The following SLC8A1 variants were observed in gnomAD, a reference collection of about 807,000 sequenced individuals.
SLC8A1 encodes sodium/calcium exchanger 1.
SLC8A1 carries 18 observed loss-of-function variants against 68.3 expected under a neutral mutation model. The ratio of observed to expected loss-of-function variants is 0.26; its 90% CI spans 0.18 to 0.39. The LOEUF (loss-of-function observed/expected upper bound fraction) is 0.39. Among genes scored for constraint, SLC8A1 ranks in the 10% least tolerant of loss-of-function variants. SLC8A1 has a pLI of 1.00. For missense variants in SLC8A1, 985 were observed against 1,156.7 expected, an observed-to-expected ratio of 0.85 and a Z score of 2.15; for synonymous variants, 475 against 415.5, an observed-to-expected ratio of 1.14 and a Z score of -1.74.
At chr2:40,109,111 A>G (rs1211025688) in exon 8 of SLC8A1, 1 of 152,190 alleles carries the variant, frequency 6.6e-6, no homozygotes, top group Non-Finnish European at 1.5e-5. Context: ...GGGCTGGGCT[A>G]TATCTTAACT....
intron 2 of SLC8A1, among the ~76,000 whole-genome samples, chr2:40,282,202 TTAAC>T (rs1453879946): frequency 7.2e-5 from 11 of 152,322 alleles, no homozygotes; most frequent in Admixed American, 3.9e-4. Context: ...GCTGGGAAAT[TTAAC>T]TAAATCTGAA....
At chr2:40,289,886 T>C (rs1249271795) in intron 2 of SLC8A1, among the ~76,000 whole-genome samples, 1 of 151,104 alleles carries the variant, frequency 6.6e-6, no homozygotes, top group East Asian at 1.9e-4. Context: ...TTAAATTAAA[T>C]TAAATTAAAA....
At chr2:40,280,211 T>C (rs1559075615) in intron 2 of SLC8A1, among the ~76,000 whole-genome samples, 1 of 112,060 alleles carries the variant, frequency 8.9e-6, no homozygotes, top group East Asian at 2.4e-4. Context: ...TGTCTGCCAT[T>C]ATAAAAGAAT....
rs117219158 is a variant in SLC8A1, at chr2:40,303,319, C to G, written c.1808+125154G>C. Among the ~76,000 whole-genome samples the G allele has an allele frequency of 3.1e-4, 47 of 152,314 alleles. No homozygotes were observed. In the East Asian group the frequency reaches 7.1e-3, roughly 23 times the overall value. On this transcript the variant is annotated intron_variant, in intron 2 of 7. Transcript: ENST00000406785. ...GTTATTACCCGCTTAGTTGCACACA[C>G]ATTCATCACATTCTGAGCCTGATTG...
At chr2:40,306,731 G>A (rs1348971282) in intron 2 of SLC8A1, among the ~76,000 whole-genome samples, 1 of 152,148 alleles carries the variant, frequency 6.6e-6, no homozygotes, top group Non-Finnish European at 1.5e-5. Flanking sequence ...ATTACTGCAC[G>A]TAAGTAGAAA....
chr2:40,218,185 C>T (rs1301068236), intron 2 of SLC8A1, among the ~76,000 whole-genome samples: 1 of 152,140 alleles, frequency 6.6e-6, no homozygotes, highest in Non-Finnish European at 1.5e-5. Context: ...TACACTTTAT[C>T]AGTATTTATT....
chr2:40,185,961 G>A (rs1319995805), intron 2 of SLC8A1, among the ~76,000 whole-genome samples: 1 of 152,112 alleles, frequency 6.6e-6, no homozygotes, highest in East Asian at 1.9e-4. Context: ...CGCCACTGCT[G>A]TGTCTGTCTG....
At chr2:40,102,568 G>A (rs1291151464) in exon 8 of SLC8A1, 1 of 152,076 alleles carries the variant, frequency 6.6e-6, no homozygotes, top group Non-Finnish European at 1.5e-5. Context: ...CCAAGAGGCG[G>A]GATTGGTGCA....
At chr2:40,312,309 A>G (rs904401824) in intron 2 of SLC8A1, among the ~76,000 whole-genome samples, 3 of 152,120 alleles carry the variant, frequency 2.0e-5, no homozygotes, top group African/African-American at 7.2e-5. Context: ...TTATTTTCCA[A>G]TAAAACAAAC....
intron 2 of SLC8A1, among the ~76,000 whole-genome samples, chr2:40,194,969 C>G (rs888298714): frequency 2.6e-5 from 4 of 152,098 alleles, no homozygotes; most frequent in Non-Finnish European, 1.5e-5. Flanking sequence ...AGGTAAACCA[C>G]TGGGTGAGAT....
At chr2:40,428,706 G>A (rs771464360) in exon 2 of SLC8A1, 4 of 1,613,836 alleles carry the variant, frequency 2.5e-6, no homozygotes, top group Non-Finnish European at 3.4e-6. Flanking sequence ...CAGTGGCAGT[G>A]GAGGGAGATC....
At chr2:40,403,125 A>C (rs1689250544) in intron 2 of SLC8A1, among the ~76,000 whole-genome samples, 1 of 152,200 alleles carries the variant, frequency 6.6e-6, no homozygotes, top group African/African-American at 2.4e-5. Flanking sequence ...ATTTAGATTA[A>C]ATTGGTATTT....
At chr2:40,118,181 G>A (rs937594195) in intron 7 of SLC8A1, 1 of 152,216 alleles carries the variant, frequency 6.6e-6, no homozygotes, top group Admixed American at 6.5e-5. Flanking sequence ...CTGTGACGTT[G>A]TGATATTATG....
intron 2 of SLC8A1, among the ~76,000 whole-genome samples, chr2:40,335,617 T>G (rs41428649): frequency 0.081 from 12,342 of 152,326 alleles, 604 homozygotes; most frequent in African/African-American, 0.11. Flanking sequence ...AAAATATCTA[T>G]GCTACAATAT....
intron 2 of SLC8A1, among the ~76,000 whole-genome samples, chr2:40,237,264 T>G (rs1199879813): frequency 1.3e-5 from 2 of 152,198 alleles, no homozygotes; most frequent in Admixed American, 6.5e-5. Flanking sequence ...GATTTGGTCT[T>G]TTCACATAGT....
At chr2:40,156,259 C>CCAA (rs1437746708) in intron 6 of SLC8A1, among the ~76,000 whole-genome samples, 1 of 152,074 alleles carries the variant, frequency 6.6e-6, no homozygotes, top group African/African-American at 2.4e-5. Flanking sequence ...CTAGCCTAGT[C>CCAA]CAACTCTCTC....
chr2:40,287,945 A>G (rs1410691674), intron 2 of SLC8A1, among the ~76,000 whole-genome samples: 1 of 152,048 alleles, frequency 6.6e-6, no homozygotes, highest in Non-Finnish European at 1.5e-5. Context: ...TTTGATGGGT[A>G]TTGTCCTGAA....
intron 2 of SLC8A1, among the ~76,000 whole-genome samples, chr2:40,395,303 T>C (rs577883923): frequency 6.6e-6 from 1 of 152,268 alleles, no homozygotes; most frequent in East Asian, 1.9e-4. Flanking sequence ...TTTCTAGTAT[T>C]AGGTAAATCA....
intron 2 of SLC8A1, among the ~76,000 whole-genome samples, chr2:40,375,035 T>G (rs1679355127): frequency 6.6e-6 from 1 of 152,016 alleles, no homozygotes; most frequent in South Asian, 2.1e-4. Flanking sequence ...TCTGGCTGCT[T>G]GATAATGAAT....
Sources: gnomAD v4.1 joint callset for allele counts (sites outside exome capture counted in the v4.1 genomes callset) on GRCh38, gnomAD v4.1.1 for gene constraint, MANE v1.5 for transcripts, NCBI Gene and HGNC (gene_info 2026-07-23, HGNC 2026-07-21) for gene names.